UBE3C: variants seen among roughly 807,000 people sequenced by gnomAD.
UBE3C encodes ubiquitin-protein ligase E3C.
UBE3C carries 42 observed loss-of-function variants against 129.4 expected under a neutral mutation model. The observed-to-expected ratio is 0.32, with a 90% CI of 0.25 to 0.42. The LOEUF (loss-of-function observed/expected upper bound fraction) is 0.42, where lower values mean the gene tolerates loss of function less well. Ranked by LOEUF, UBE3C falls within the 10% of genes least tolerant of loss-of-function variation. The pLI is 1.00. For synonymous variants in UBE3C, 510 were observed against 492.4 expected (o/e 1.04, Z -0.47); for missense variants, 1,049 against 1,319.1 (o/e 0.80, Z 3.17).
intron 22 of UBE3C, among the ~76,000 whole-genome samples, chr7:157,262,097 A>G (rs543785546): frequency 6.6e-6 from 1 of 152,316 alleles, no homozygotes; most frequent in East Asian, 1.9e-4. Flanking sequence ...TCATTCAGAG[A>G]TCCTTTTCTG....
rs1807348431 is a variant in UBE3C at position 157,139,141 on chromosome 7, C to T, written c.-132C>T. The stretch of plus-strand genomic sequence containing the variant: ...ACAGCCCGGGGGCGGGCTCGGGTCG[C>T]CTCCCGGCCGCCGCGTCCTCGCTGC... On this transcript the variant is annotated 5_prime_UTR_variant, in exon 1 of 23. Transcript: ENST00000348165. The T allele has an allele frequency of 4.3e-6, 2 of 464,420 alleles. No individual in the cohort carries two copies. The highest frequency in any genetic ancestry group is 5.7e-6 in the Non-Finnish European group (2 of 351,060). The allele number at this position is 464,420 out of a possible 1,614,324, so 28.8% of individuals were successfully genotyped here. A position where few individuals can be genotyped will look rare whatever the true frequency, so the allele number is the denominator to read the frequency against.
chr7:157,220,392 T>C (rs1355939924), intron 14 of UBE3C, among the ~76,000 whole-genome samples: 1 of 152,250 alleles, frequency 6.6e-6, no homozygotes, highest in Non-Finnish European at 1.5e-5. Context: ...CTATTTTGCT[T>C]CATAAAGCAA....
intron 19 of UBE3C, among the ~76,000 whole-genome samples, chr7:157,250,983 A>G (rs970964398): frequency 6.6e-6 from 1 of 152,238 alleles, no homozygotes; most frequent in Non-Finnish European, 1.5e-5. Flanking sequence ...GGAATCTGTT[A>G]AAAGCAAAAG....
At position 157,231,043 on chromosome 7, in the gene UBE3C, C is replaced by T. The variant is rs200497539; in HGVS notation, c.2234-37C>T. ...AGTTGATGTTATTGCTTGCTTGTAA[C>T]ATCTTTCCTCCTCACCCTCCCATTT... On this transcript the variant is annotated intron_variant, in intron 17 of 22. Coordinates refer to ENST00000348165, the MANE Select transcript of UBE3C (RefSeq NM_014671.3). 2.0e-4 allele frequency: 328 copies of T among 1,607,014 alleles called. 1 individual carries two copies. The African/African-American group carries it at 4.0e-3, about 20-fold the overall frequency.
At chr7:157,246,548 G>A (rs551171728) in intron 18 of UBE3C, among the ~76,000 whole-genome samples, 3 of 152,330 alleles carry the variant, frequency 2.0e-5, no homozygotes, top group African/African-American at 7.2e-5. Flanking sequence ...TATTCCCTGG[G>A]TAGCACCATA....
intron 10 of UBE3C, among the ~76,000 whole-genome samples, chr7:157,191,220 G>A (rs1019941220): frequency 5.9e-5 from 9 of 152,346 alleles, no homozygotes; most frequent in South Asian, 2.1e-4. Flanking sequence ...GGTGCGCCTC[G>A]AAGCGCAGTG....
chr7:157,211,300 A>G (rs925972062), intron 13 of UBE3C, among the ~76,000 whole-genome samples: 2 of 152,190 alleles, frequency 1.3e-5, no homozygotes, highest in Non-Finnish European at 2.9e-5. Flanking sequence ...TGCCCTGTTA[A>G]TATAATCCTA....
chr7:157,257,075 G>C, intron 22 of UBE3C, 31 bp downstream of exon 22: 1 of 1,612,410 alleles, frequency 6.2e-7, no homozygotes, highest in Non-Finnish European at 8.5e-7. Flanking sequence ...TTGCTTTAAA[G>C]ACCACTTCAT....
intron 10 of UBE3C, among the ~76,000 whole-genome samples, chr7:157,193,557 G>A (rs1379428483): frequency 6.6e-6 from 1 of 152,074 alleles, no homozygotes; most frequent in East Asian, 1.9e-4. Flanking sequence ...GCTAAATAAA[G>A]CTTAATGAGT....
intron 18 of UBE3C, among the ~76,000 whole-genome samples, chr7:157,242,664 G>A (rs898625862): frequency 6.6e-6 from 1 of 151,836 alleles, no homozygotes; most frequent in Non-Finnish European, 1.5e-5. Context: ...TCATGAAGAT[G>A]TTTTTTATCT....
intron 19 of UBE3C, among the ~76,000 whole-genome samples, chr7:157,250,574 C>A (rs763515066): frequency 9.2e-5 from 14 of 152,184 alleles, no homozygotes; most frequent in East Asian, 3.8e-4. Flanking sequence ...CCTCCTGCCT[C>A]AGCCTCCCAA....
intron 1 of UBE3C, among the ~76,000 whole-genome samples, chr7:157,159,132 A>G (rs1326262481): frequency 1.3e-5 from 2 of 152,212 alleles, no homozygotes; most frequent in Non-Finnish European, 2.9e-5. Context: ...TAGGTAGGAA[A>G]GTCTCTCTCT....
intron 2 of UBE3C, among the ~76,000 whole-genome samples, chr7:157,166,939 G>GT (rs1808233302): frequency 1.4e-5 from 2 of 140,018 alleles, no homozygotes; most frequent in Admixed American, 7.2e-5. Flanking sequence ...GGTGGTGGTG[G>GT]TGGTTTTTGA....
chr7:157,238,076 A>C (rs1378939323), intron 18 of UBE3C, among the ~76,000 whole-genome samples: 1 of 152,134 alleles, frequency 6.6e-6, no homozygotes, highest in Non-Finnish European at 1.5e-5. Context: ...GGCCCATGTA[A>C]ATCCTTTTAA....
At chr7:157,163,990 T>C (rs1218104755) in intron 2 of UBE3C, 127 bp downstream of exon 2, 1 of 851,894 alleles carries the variant, frequency 1.2e-6, no homozygotes, top group Non-Finnish European at 1.8e-6. Flanking sequence ...TGTGTGTATG[T>C]GTGTTTAGCT....
intron 15 of UBE3C, 156 bp from the exon 16 acceptor site, chr7:157,223,091 GCATGGCT>G: frequency 1.5e-6 from 1 of 668,754 alleles, no homozygotes; most frequent in South Asian, 1.7e-5. Flanking sequence ...CCTGCACTGT[GCATGGCT>G]CATGGGTCTG....
chr7:157,236,565 A>T (rs1206473101), intron 18 of UBE3C, among the ~76,000 whole-genome samples: 1 of 152,102 alleles, frequency 6.6e-6, no homozygotes, highest in Non-Finnish European at 1.5e-5. Context: ...CAAAAGTTGG[A>T]AAGTTTCTTT....
At chr7:157,245,540 G>A (rs893637288) in intron 18 of UBE3C, among the ~76,000 whole-genome samples, 2 of 152,174 alleles carry the variant, frequency 1.3e-5, no homozygotes, top group Non-Finnish European at 2.9e-5. Flanking sequence ...ACATTATCAG[G>A]AGATGATGAC....
chr7:157,248,954 G>T (rs537677577), intron 19 of UBE3C, among the ~76,000 whole-genome samples: 1 of 152,260 alleles, frequency 6.6e-6, no homozygotes, highest in Admixed American at 6.5e-5. Context: ...AGCCACCTCA[G>T]CTGCTCCAGC....
Sources: allele counts gnomAD v4.1 joint callset (sites outside exome capture counted in the v4.1 genomes callset), GRCh38; gene constraint gnomAD v4.1.1; transcripts MANE v1.5; gene names NCBI Gene and HGNC (gene_info 2026-07-23, HGNC 2026-07-21).